Variants in TBC1D1 observed in about 807,000 individuals in gnomAD.
TBC1D1 encodes TBC1 (tre-2/USP6, BUB2, cdc16) domain family, member 1.
TBC1D1 carries 89 observed loss-of-function variants against 125.6 expected under a neutral mutation model. That is an observed-to-expected ratio of 0.71 (90% confidence interval 0.60 to 0.85). The LOEUF (loss-of-function observed/expected upper bound fraction) is 0.85, where lower values mean the gene tolerates loss of function less well. Among genes scored for constraint, TBC1D1 ranks in the 40% least tolerant of loss-of-function variants. TBC1D1 has a pLI of 0.00. For missense variants in TBC1D1, 1,377 were observed against 1,469.2 expected (o/e 0.94, Z 1.03); for synonymous variants, 565 against 564.1 (o/e 1.00, Z -0.02).
intron 12 of TBC1D1, among the ~76,000 whole-genome samples, chr4:38,082,357 A>C (rs1188926462): frequency 6.6e-6 from 1 of 152,178 alleles, no homozygotes; most frequent in East Asian, 1.9e-4. Context: ...TTTCCACCCC[A>C]CCATGTCTCA....
chr4:37,986,194 A>G (rs1201236040), intron 2 of TBC1D1, among the ~76,000 whole-genome samples: 4 of 152,212 alleles, frequency 2.6e-5, no homozygotes. Flanking sequence ...CCAGAATGTC[A>G]TCTTGAATGT....
chr4:38,063,640 A>T (rs11943503), intron 12 of TBC1D1, among the ~76,000 whole-genome samples: 78,823 of 147,206 alleles, frequency 0.54, 21,706 homozygotes, highest in African/African-American at 0.72. Context: ...TTTATTTTTT[A>T]TTTTTTGAGA....
intron 10 of TBC1D1, among the ~76,000 whole-genome samples, chr4:38,046,695 A>G (rs1250938980): frequency 1.3e-5 from 2 of 152,208 alleles, no homozygotes; most frequent in Admixed American, 6.5e-5. Context: ...AGCTGGCTCT[A>G]TGATTATAAT....
At chr4:38,060,357 TCTTA>T (rs1408282008) in intron 12 of TBC1D1, among the ~76,000 whole-genome samples, 1 of 152,248 alleles carries the variant, frequency 6.6e-6, no homozygotes, top group Non-Finnish European at 1.5e-5. Flanking sequence ...GTAAAAGCAT[TCTTA>T]CTTCTCCGCA....
chr4:37,988,777 C>A (rs771686075), intron 2 of TBC1D1, among the ~76,000 whole-genome samples: 12 of 152,108 alleles, frequency 7.9e-5, no homozygotes, highest in African/African-American at 2.9e-4. Flanking sequence ...ACCGATGGAC[C>A]GCCCCCTCCT....
intron 4 of TBC1D1, 67 bp from the exon 5 acceptor site, chr4:38,020,524 A>C: frequency 8.1e-7 from 1 of 1,232,572 alleles, no homozygotes; most frequent in Non-Finnish European, 1.2e-6. Context: ...ATAAATCTTG[A>C]GGTGCATTTC....
intron 18 of TBC1D1, 76 bp from the exon 21 acceptor site, chr4:38,133,008 G>T: frequency 7.3e-7 from 1 of 1,372,318 alleles, no homozygotes; most frequent in Non-Finnish European, 1.0e-6. Flanking sequence ...GCGCATTGTC[G>T]TGATTGCAGA....
At chr4:38,080,553 A>T (rs934415339) in intron 12 of TBC1D1, among the ~76,000 whole-genome samples, 2 of 152,180 alleles carry the variant, frequency 1.3e-5, no homozygotes, top group African/African-American at 4.8e-5. Context: ...CATCAAATTC[A>T]TCATGCTGCT....
At chr4:38,053,217 C>T in intron 11 of TBC1D1, 2 of 1,512,010 alleles carry the variant, frequency 1.3e-6, no homozygotes, top group South Asian at 1.3e-5. Context: ...ATTTTATGAA[C>T]ACAAAAAGGT....
At chr4:38,001,872 A>G (rs1209925438) in intron 2 of TBC1D1, among the ~76,000 whole-genome samples, 1 of 152,238 alleles carries the variant, frequency 6.6e-6, no homozygotes, top group Non-Finnish European at 1.5e-5. Context: ...ATCTTGTTAA[A>G]TATGGCAGTA....
At chr4:38,063,774 A>G (rs1753190986) in intron 12 of TBC1D1, among the ~76,000 whole-genome samples, 1 of 152,054 alleles carries the variant, frequency 6.6e-6, no homozygotes, top group Admixed American at 6.5e-5. Context: ...GATTACAGGC[A>G]TGCCCCACCA....
chr4:37,897,849 G>A (rs1246190879), intron 1 of TBC1D1, among the ~76,000 whole-genome samples: 2 of 152,184 alleles, frequency 1.3e-5, no homozygotes, highest in African/African-American at 4.8e-5. Flanking sequence ...ATTTTCACCT[G>A]TGAGAGAGAG....
intron 12 of TBC1D1, among the ~76,000 whole-genome samples, chr4:38,087,856 A>AG (rs1757771670): frequency 7.6e-6 from 1 of 130,998 alleles, no homozygotes; most frequent in African/African-American, 3.0e-5. Context: ...AAAAAAAAAA[A>AG]AAAAAAGAAA....
intron 2 of TBC1D1, among the ~76,000 whole-genome samples, chr4:37,945,334 C>A (rs1469736157): frequency 6.6e-6 from 1 of 151,378 alleles, no homozygotes; most frequent in African/African-American, 2.4e-5. Context: ...GCCAACATGG[C>A]AAACTCCATC....
At chr4:37,950,220 C>G (rs1245235203) in intron 2 of TBC1D1, among the ~76,000 whole-genome samples, 2 of 152,050 alleles carry the variant, frequency 1.3e-5, no homozygotes, top group African/African-American at 4.8e-5. Context: ...CCTGAATGAC[C>G]CTGGGCAAAT....
intron 15 of TBC1D1, among the ~76,000 whole-genome samples, chr4:38,105,044 C>T (rs1240332908): frequency 1.3e-5 from 2 of 152,102 alleles, no homozygotes; most frequent in East Asian, 1.9e-4. Flanking sequence ...CGTGAGCCAC[C>T]ACACCCGGCC....
At chr4:37,989,627 T>A (rs747653318) in intron 2 of TBC1D1, among the ~76,000 whole-genome samples, 15 of 152,244 alleles carry the variant, frequency 9.9e-5, no homozygotes, top group Non-Finnish European at 2.1e-4. Context: ...TAGCACATTC[T>A]GCATGAATTA....
At chr4:37,905,087 C>T (rs993628087) in intron 2 of TBC1D1, among the ~76,000 whole-genome samples, 1 of 152,200 alleles carries the variant, frequency 6.6e-6, no homozygotes, top group African/African-American at 2.4e-5. Flanking sequence ...ACCCTTTGAC[C>T]AGCATCTAAT....
intron 12 of TBC1D1, among the ~76,000 whole-genome samples, chr4:38,060,909 C>T (rs17497622): frequency 0.044 from 6,724 of 152,228 alleles, 196 homozygotes; most frequent in South Asian, 0.082. Flanking sequence ...AATAAACAAC[C>T]GTGGGAAATC....
Sources: allele counts gnomAD v4.1 joint callset (sites outside exome capture counted in the v4.1 genomes callset), GRCh38; gene constraint gnomAD v4.1.1; transcripts MANE v1.5; gene names NCBI Gene and HGNC (gene_info 2026-07-23, HGNC 2026-07-21).